The following KIF13B variants were observed in gnomAD, a reference collection of about 807,000 sequenced individuals.
KIF13B encodes kinesin family member 13B.
In KIF13B, 127 loss-of-function variants were observed where a neutral mutation model predicts 222.0. The observed-to-expected ratio is 0.57, with a 90% CI of 0.50 to 0.66. The LOEUF (loss-of-function observed/expected upper bound fraction) is 0.66, where lower values mean the gene tolerates loss of function less well. KIF13B is among the 30% of genes least tolerant of loss of function. KIF13B has a pLI of 0.00. For missense variants in KIF13B, 2,173 were observed against 2,379.0 expected (o/e 0.91, Z 1.80); for synonymous variants, 976 against 919.0 (o/e 1.06, Z -1.12).
chr8:29,135,726 C>A (rs949756413), intron 21 of KIF13B, among the ~76,000 whole-genome samples: 1 of 152,220 alleles, frequency 6.6e-6, no homozygotes, highest in Non-Finnish European at 1.5e-5. Flanking sequence ...GAAACCCCAT[C>A]GCTACTAAAA....
chr8:29,084,506 T>C (rs908609125), intron 37 of KIF13B, among the ~76,000 whole-genome samples: 10 of 152,122 alleles, frequency 6.6e-5, no homozygotes, highest in Non-Finnish European at 1.2e-4. Flanking sequence ...TATGTTGAAA[T>C]AGGAGAAAAA....
At chr8:29,235,643 T>C (rs1317513147) in intron 2 of KIF13B, among the ~76,000 whole-genome samples, 3 of 151,844 alleles carry the variant, frequency 2.0e-5, no homozygotes, top group Admixed American at 6.6e-5. Context: ...TCAAAATACA[T>C]AGATAAAAGC....
At chr8:29,128,159 TA>T (rs1226883215) in intron 24 of KIF13B, among the ~76,000 whole-genome samples, 12 of 150,064 alleles carry the variant, frequency 8.0e-5, no homozygotes, top group African/African-American at 1.2e-4. Context: ...TATATAATTA[TA>T]AAAAATAATC....
intron 36 of KIF13B, among the ~76,000 whole-genome samples, chr8:29,096,299 T>C (rs10095878): frequency 0.18 from 25,162 of 141,850 alleles, 2,567 homozygotes; most frequent in African/African-American, 0.33. Flanking sequence ...TTTTCTTTTT[T>C]TTTTTTTTTT....
chr8:29,224,522 A>G (rs1814926859), intron 2 of KIF13B, among the ~76,000 whole-genome samples: 1 of 152,236 alleles, frequency 6.6e-6, no homozygotes, highest in Non-Finnish European at 1.5e-5. Flanking sequence ...AACAGCTGTG[A>G]TTTGTATTGG....
Position 29,078,031 on chromosome 8 carries a change from C to T in KIF13B, c.4459-2688G>A, listed in dbSNP as rs148683180. Among the ~76,000 whole-genome samples, 1,017 of 146,512 alleles carry T rather than the reference C, an allele frequency of 6.9e-3. 3 individuals are homozygous for T. Among genetic ancestry groups the T allele is most frequent in the Middle Eastern group, 0.011 (3 of 268 alleles). Reference sequence around the variant, plus strand: ...GGCACGGTGGTTCACGCCTATAATCCCAGCAGTTTGGGAGGCCGCAGCAGG... The same window carrying T: ...GGCACGGTGGTTCACGCCTATAATCTCAGCAGTTTGGGAGGCCGCAGCAGG... On this transcript the variant is annotated intron_variant, in intron 37 of 39. Coordinates refer to ENST00000524189, the MANE Select transcript of KIF13B (RefSeq NM_015254.4).
At chr8:29,155,094 A>G (rs73558583) in intron 14 of KIF13B, among the ~76,000 whole-genome samples, 5,372 of 152,232 alleles carry the variant, frequency 0.035, 314 homozygotes, top group African/African-American at 0.12. Context: ...GAGCCCCTTC[A>G]TTCCTCCATG....
chr8:29,107,966 T>C (rs1809171794), intron 35 of KIF13B, among the ~76,000 whole-genome samples, 173 bp downstream of exon 35: 1 of 149,636 alleles, frequency 6.7e-6, no homozygotes, highest in Non-Finnish European at 1.5e-5. Context: ...ATAAACCTTA[T>C]TTTAATTGGC....
At chr8:29,112,985 G>A (rs1563711608) in intron 32 of KIF13B, among the ~76,000 whole-genome samples, 1 of 152,124 alleles carries the variant, frequency 6.6e-6, no homozygotes, top group Non-Finnish European at 1.5e-5. Context: ...TCTAGCACAC[G>A]CACAACAATT....
chr8:29,242,154 G>A (rs1456087954), intron 2 of KIF13B, among the ~76,000 whole-genome samples: 1 of 152,136 alleles, frequency 6.6e-6, no homozygotes, highest in Non-Finnish European at 1.5e-5. Flanking sequence ...AGGAGAGAAA[G>A]AAGCAAAAAT....
chr8:29,099,369 C>T, intron 35 of KIF13B, 128 bp from the exon 36 acceptor site: 1 of 649,542 alleles, frequency 1.5e-6, no homozygotes, highest in Non-Finnish European at 2.7e-6. Flanking sequence ...AGCTTGATTA[C>T]ATCAGCACTT....
chr8:29,084,261 CA>C (rs1187578178), intron 37 of KIF13B, among the ~76,000 whole-genome samples: 2 of 152,156 alleles, frequency 1.3e-5, no homozygotes, highest in Non-Finnish European at 2.9e-5. Flanking sequence ...ACTTGAGACA[CA>C]AGGATACGTG....
At chr8:29,179,939 C>T (rs1184961298) in intron 8 of KIF13B, among the ~76,000 whole-genome samples, 165 bp downstream of exon 8, 1 of 152,188 alleles carries the variant, frequency 6.6e-6, no homozygotes, top group African/African-American at 2.4e-5. Flanking sequence ...CCCTACATGA[C>T]ATCCCTTTCT....
intron 2 of KIF13B, among the ~76,000 whole-genome samples, chr8:29,208,950 G>A (rs1341306565): frequency 6.6e-6 from 1 of 152,154 alleles, no homozygotes; most frequent in Non-Finnish European, 1.5e-5. Flanking sequence ...CCAAACCCAA[G>A]TGATGGTGGC....
intron 38 of KIF13B, among the ~76,000 whole-genome samples, chr8:29,072,534 T>G (rs554206168): frequency 3.3e-5 from 5 of 152,140 alleles, no homozygotes; most frequent in South Asian, 2.1e-4. Context: ...AATAAATAAA[T>G]AAAGAACATG....
chr8:29,116,738 C>G (rs955630658), intron 31 of KIF13B, 93 bp downstream of exon 31: 1 of 1,187,198 alleles, frequency 8.4e-7, no homozygotes, highest in African/African-American at 1.5e-5. Context: ...CTTCCGGGAG[C>G]CTGTTTGGAC....
rs113313373 is a variant in KIF13B, at chr8:29,230,461, G to C, written c.149+14885C>G. On this transcript the variant is annotated intron_variant, in intron 2 of 39. Transcript: ENST00000524189. ...TTCTGGGGGGCAAAGGGACCAGACAGGCCCAAAAAGGCCAGGTCAACGGAC... is the reference window on the plus strand; with the variant it reads ...TTCTGGGGGGCAAAGGGACCAGACACGCCCAAAAAGGCCAGGTCAACGGAC... 2.7e-3 allele frequency among the ~76,000 whole-genome samples: 416 copies of C among 152,262 alleles called. 3 individuals carry two copies. Among genetic ancestry groups the C allele is most frequent in the African/African-American group, 9.2e-3 (384 of 41,546 alleles).
chr8:29,171,023 T>C (rs1812214619), intron 10 of KIF13B, among the ~76,000 whole-genome samples: 3 of 152,190 alleles, frequency 2.0e-5, no homozygotes, highest in South Asian at 2.1e-4. Context: ...AACCTAACCA[T>C]GGAGAAAGGA....
intron 12 of KIF13B, among the ~76,000 whole-genome samples, chr8:29,163,426 C>A (rs1310360436): frequency 6.6e-6 from 1 of 152,194 alleles, no homozygotes; most frequent in African/African-American, 2.4e-5. Flanking sequence ...TAACTTGCAA[C>A]TGCCCCCAGA....
Sources: gnomAD v4.1 joint callset for allele counts (sites outside exome capture counted in the v4.1 genomes callset) on GRCh38, gnomAD v4.1.1 for gene constraint, MANE v1.5 for transcripts, NCBI Gene and HGNC (gene_info 2026-07-23, HGNC 2026-07-21) for gene names.